ZNF257: variants seen among roughly 807,000 people sequenced by gnomAD.
ZNF257 encodes the protein zinc finger protein 257.
ZNF257 carries 12 observed loss-of-function variants against 11.9 expected under a neutral mutation model. That is an observed-to-expected ratio of 1.01 (90% CI 0.65 to 1.63). The LOEUF (loss-of-function observed/expected upper bound fraction) is 1.63, where lower values mean the gene tolerates loss of function less well. ZNF257 is among the 40% of genes most tolerant of loss of function. The pLI is 0.00. For synonymous variants in ZNF257, 183 were observed against 222.7 expected (o/e 0.82, Z 1.59); for missense variants, 580 against 665.5 (o/e 0.87, Z 1.41).
intron 1 of ZNF257, among the ~76,000 whole-genome samples, chr19:22,057,212 A>C (rs1371917261): frequency 6.6e-6 from 1 of 152,068 alleles, no homozygotes; most frequent in Non-Finnish European, 1.5e-5. Context: ...AAGCACCTTA[A>C]TTTTTTTTCC....
At position 22,090,431 on chromosome 19, in the gene ZNF257, A is replaced by G. The variant is rs1468787466; in HGVS notation, c.*989A>G. 2 of 152,110 alleles carry G rather than the reference A, an allele frequency of 1.3e-5. No individual in the cohort carries two copies. The highest frequency in any genetic ancestry group is 4.8e-5 in the African/African-American group (2 of 41,420). 9.4% of individuals were successfully genotyped at this position (152,110 alleles called of 1,614,324 possible). Reference sequence around the variant, plus strand: ...GCAAGTGTGATTAATTTGGAAAAACATTTTTTCCATAACTATAGCTTAGAA... The same window carrying G: ...GCAAGTGTGATTAATTTGGAAAAACGTTTTTTCCATAACTATAGCTTAGAA... On this transcript the variant is annotated 3_prime_UTR_variant, in exon 4 of 4. Coordinates refer to ENST00000594947, the MANE Select transcript of ZNF257 (RefSeq NM_033468.4).
At chr19:22,080,545 G>C (rs2022333955) in intron 3 of ZNF257, among the ~76,000 whole-genome samples, 1 of 151,772 alleles carries the variant, frequency 6.6e-6, no homozygotes, top group African/African-American at 2.4e-5. Context: ...GCAGATGTTG[G>C]CACACACTTC....
rs2022612527 is a variant in ZNF257, at chr19:22,090,958, G to GTTAA, written c.*1517_*1520dup. ...AGTCTAAGTGAAGAGGTTCTTTGTG[G>GTTAA]TTAACTTAGTGATGTATGAAGTAGT... On this transcript the variant is annotated 3_prime_UTR_variant, in exon 4 of 4. Transcript: ENST00000594947. 1.3e-5 allele frequency: 2 copies of GTTAA among 152,090 alleles called. 1 individual carries two copies. Among genetic ancestry groups the GTTAA allele is most frequent in the African/African-American group, 4.8e-5 (2 of 41,392 alleles). The allele number at this position is 152,090 out of a possible 1,614,324, so 9.4% of individuals were successfully genotyped here. A position where few individuals can be genotyped will look rare whatever the true frequency, so the allele number is the denominator to read the frequency against.
intron 1 of ZNF257, among the ~76,000 whole-genome samples, chr19:22,070,454 A>C (rs574720827): frequency 6.6e-6 from 1 of 152,286 alleles, no homozygotes; most frequent in Admixed American, 6.5e-5. Flanking sequence ...AGATTATGTC[A>C]CATAATGTGT....
intron 3 of ZNF257, among the ~76,000 whole-genome samples, chr19:22,077,161 A>G (rs2022246281): frequency 6.6e-6 from 1 of 152,008 alleles, no homozygotes; most frequent in Admixed American, 6.6e-5. Flanking sequence ...ACACACAAAA[A>G]ATGTTTTAAT....
At chr19:22,083,490 A>G (rs548478133) in intron 3 of ZNF257, among the ~76,000 whole-genome samples, 1 of 152,138 alleles carries the variant, frequency 6.6e-6, no homozygotes, top group South Asian at 2.1e-4. Context: ...CTCATAACTA[A>G]ATTTCTCTTC....
At chr19:22,076,910 G>A (rs2022237216) in intron 3 of ZNF257, among the ~76,000 whole-genome samples, 1 of 152,058 alleles carries the variant, frequency 6.6e-6, no homozygotes. Flanking sequence ...GGATGGTCTC[G>A]ATCACCTGAC....
In ZNF257 at chr19:22,073,462, A is replaced by C. The variant is rs867898685; in HGVS notation, c.131-7A>C. ...CAAGATGCGTGTTACTTATTTTTAAAAAACAGGTATTGCTGTCTCTAAGCC... is the reference window on the plus strand; with the variant it reads ...CAAGATGCGTGTTACTTATTTTTAACAAACAGGTATTGCTGTCTCTAAGCC... On this transcript the variant is annotated splice_region_variant and splice_polypyrimidine_tract_variant and intron_variant, in intron 2 of 3. Transcript: ENST00000594947. The C allele has an allele frequency of 6.2e-7, 1 of 1,602,396 alleles. No homozygotes were observed. Among genetic ancestry groups the C allele is most frequent in the Middle Eastern group, 1.7e-4 (1 of 6,016 alleles).
rs769063609 is a variant in ZNF257, at chr19:22,072,801, T to G, written c.4-8T>G. 6.2e-7 allele frequency: 1 copy of G among 1,607,008 alleles called. No individual in the cohort carries two copies. The highest frequency in any genetic ancestry group is 1.1e-5 in the South Asian group (1 of 90,192). On this transcript the variant is annotated splice_region_variant and splice_polypyrimidine_tract_variant and intron_variant, in intron 1 of 3. Transcript: ENST00000594947. Reference sequence around the variant, plus strand: ...ATATATGTGTGTCTGTGTTTGTGTGTTTTTCAGGGACCACTGACAATTAGG... The same window carrying G: ...ATATATGTGTGTCTGTGTTTGTGTGGTTTTCAGGGACCACTGACAATTAGG...
chr19:22,081,177 C>G (rs530825031), intron 3 of ZNF257, among the ~76,000 whole-genome samples: 1 of 151,692 alleles, frequency 6.6e-6, no homozygotes, highest in Non-Finnish European at 1.5e-5. Flanking sequence ...ATGCCCGGTC[C>G]TATATAGATA....
intron 1 of ZNF257, among the ~76,000 whole-genome samples, chr19:22,063,497 A>G (rs2145691697): frequency 6.6e-6 from 1 of 152,338 alleles, no homozygotes; most frequent in Admixed American, 6.5e-5. Flanking sequence ...ATTTAGTGTT[A>G]TAAATTTCCT....
At chr19:22,062,646 A>G (rs2021835153) in intron 1 of ZNF257, among the ~76,000 whole-genome samples, 1 of 151,464 alleles carries the variant, frequency 6.6e-6, no homozygotes, top group Non-Finnish European at 1.5e-5. Flanking sequence ...CCACACCCGG[A>G]TAATTTTGTA....
rs60375287 is a variant in ZNF257, at chr19:22,061,106, C to CTTTT, written c.3+8478_3+8481dup. 8.8e-3 allele frequency among the ~76,000 whole-genome samples: 1,293 copies of CTTTT among 146,444 alleles called. 18 individuals are homozygous for CTTTT. Among genetic ancestry groups the CTTTT allele is most frequent in the African/African-American group, 0.031 (1,244 of 40,176 alleles). ...TAGGATTGCCTTGGCTATTTGGGCT[C>CTTTT]TTTTTTTTTTGTTCCATATGAATTT... is the stretch of plus-strand genomic sequence containing the variant. On this transcript the variant is annotated intron_variant, in intron 1 of 3. Coordinates refer to ENST00000594947, the MANE Select transcript of ZNF257 (RefSeq NM_033468.4).
At chr19:22,071,323 A>C (rs1053036407) in intron 1 of ZNF257, among the ~76,000 whole-genome samples, 2 of 152,050 alleles carry the variant, frequency 1.3e-5, no homozygotes, top group Admixed American at 6.6e-5. Context: ...AAATGGATGG[A>C]ATGTTTCTGC....
rs574784771 is a variant in ZNF257 at position 22,056,620 on chromosome 19, C to T, written c.3+3985C>T. 4.3e-3 allele frequency among the ~76,000 whole-genome samples: 652 copies of T among 151,970 alleles called. 4 individuals carry two copies. Among genetic ancestry groups the T allele is most frequent in the African/African-American group, 0.015 (625 of 41,424 alleles). On this transcript the variant is annotated intron_variant, in intron 1 of 3. Coordinates refer to ENST00000594947, the MANE Select transcript of ZNF257 (RefSeq NM_033468.4). ...CCTCCCGAGTAGCTGGGACTACAGGCACCCGCTACCATGTCCGGCTAATTT... is the reference window on the plus strand; with the variant it reads ...CCTCCCGAGTAGCTGGGACTACAGGTACCCGCTACCATGTCCGGCTAATTT...
intron 1 of ZNF257, 29 bp downstream of exon 1, chr19:22,052,664 A>T (rs762296179): frequency 2.5e-6 from 4 of 1,605,262 alleles, no homozygotes; most frequent in Admixed American, 1.7e-5. Context: ...ACATCCTGGG[A>T]GAGGGGAAGG....
chr19:22,064,267 G>A (rs1267253558), intron 1 of ZNF257: 1 of 152,128 alleles, frequency 6.6e-6, no homozygotes, highest in Non-Finnish European at 1.5e-5. Context: ...GCATCTTAAA[G>A]CATTTAAGAT....
chr19:22,084,198 T>G (rs937795112), intron 3 of ZNF257, among the ~76,000 whole-genome samples: 3 of 151,928 alleles, frequency 2.0e-5, no homozygotes, highest in Admixed American at 6.6e-5. Context: ...TCAAATTATA[T>G]CTATTGAATA....
At chr19:22,076,789 C>T (rs961065706) in intron 3 of ZNF257, among the ~76,000 whole-genome samples, 4 of 151,934 alleles carry the variant, frequency 2.6e-5, no homozygotes, top group Non-Finnish European at 4.4e-5. Flanking sequence ...CCCGGGTTCA[C>T]GCCATTCTCC....
Sources: allele counts gnomAD v4.1 joint callset (sites outside exome capture counted in the v4.1 genomes callset), GRCh38; gene constraint gnomAD v4.1.1; transcripts MANE v1.5; gene names NCBI Gene and HGNC (gene_info 2026-07-23, HGNC 2026-07-21).